The following CTNNA3 variants were observed in gnomAD, a reference collection of about 807,000 sequenced individuals.
CTNNA3 encodes catenin alpha-3.
In CTNNA3, 76 loss-of-function variants were observed where a neutral mutation model predicts 95.7. That is an observed-to-expected ratio of 0.79 (90% CI 0.66 to 0.96). The LOEUF (loss-of-function observed/expected upper bound fraction) is 0.96, where lower values mean the gene tolerates loss of function less well. CTNNA3 is among the 40% of genes least tolerant of loss of function. The pLI is 0.00. For synonymous variants in CTNNA3, 431 were observed against 374.4 expected (o/e 1.15, Z -1.74); for missense variants, 1,191 against 1,089.8 (o/e 1.09, Z -1.31).
chr10:67,425,390 G>A (rs1372929789), intron 5 of CTNNA3, among the ~76,000 whole-genome samples: 1 of 152,004 alleles, frequency 6.6e-6, no homozygotes, highest in Non-Finnish European at 1.5e-5. Flanking sequence ...CACTCTCAAT[G>A]ACAGGAAGGA....
intron 10 of CTNNA3, among the ~76,000 whole-genome samples, chr10:66,604,086 A>G (rs939633081): frequency 6.6e-6 from 1 of 152,246 alleles, no homozygotes; most frequent in Admixed American, 6.5e-5. Context: ...CAATGGGATC[A>G]TATCAAGTTA....
At chr10:66,904,531 C>T (rs573650688) in intron 7 of CTNNA3, among the ~76,000 whole-genome samples, 1 of 152,288 alleles carries the variant, frequency 6.6e-6, no homozygotes, top group East Asian at 1.9e-4. Flanking sequence ...TCAAGTTAAA[C>T]TAATGACCTT....
At chr10:66,953,560 T>C (rs1207253106) in intron 7 of CTNNA3, among the ~76,000 whole-genome samples, 1 of 152,192 alleles carries the variant, frequency 6.6e-6, no homozygotes, top group African/African-American at 2.4e-5. Flanking sequence ...ACACCATAGT[T>C]AGTTATGACT....
intron 7 of CTNNA3, among the ~76,000 whole-genome samples, chr10:67,139,994 G>A (rs1860478738): frequency 6.6e-6 from 1 of 152,152 alleles, no homozygotes. Flanking sequence ...TCTGTCTATA[G>A]AGTGCTTTAA....
chr10:67,668,685 C>T (rs1840373602), intron 1 of CTNNA3, among the ~76,000 whole-genome samples: 1 of 152,002 alleles, frequency 6.6e-6, no homozygotes, highest in African/African-American at 2.4e-5. Context: ...AACACAAGAT[C>T]TCATTGTGCT....
At chr10:67,124,297 TTCTC>T (rs1859602646) in intron 7 of CTNNA3, among the ~76,000 whole-genome samples, 1 of 151,108 alleles carries the variant, frequency 6.6e-6, no homozygotes, top group South Asian at 2.1e-4. Flanking sequence ...CTTCCTCTAG[TTCTC>T]TCTCTCCTCC....
chr10:67,279,975 T>C (rs1354172391), intron 5 of CTNNA3, among the ~76,000 whole-genome samples: 1 of 150,570 alleles, frequency 6.6e-6, no homozygotes, highest in Non-Finnish European at 1.5e-5. Context: ...AAAAATCATA[T>C]CTATTACACA....
At chr10:66,738,653 C>T (rs377744500) in intron 9 of CTNNA3, among the ~76,000 whole-genome samples, 9 of 152,266 alleles carry the variant, frequency 5.9e-5, no homozygotes, top group African/African-American at 9.6e-5. Flanking sequence ...CCCATATACA[C>T]GTTTCATGTA....
chr10:66,543,080 G>A (rs2660005), intron 10 of CTNNA3, among the ~76,000 whole-genome samples: 140,080 of 152,098 alleles, frequency 0.92, 64,703 homozygotes, highest in East Asian at 0.98. Flanking sequence ...CACTAAGTAA[G>A]TTAGAGTGCA....
chr10:67,620,232 C>T (rs1843783164), intron 2 of CTNNA3, among the ~76,000 whole-genome samples: 1 of 152,142 alleles, frequency 6.6e-6, no homozygotes, highest in Non-Finnish European at 1.5e-5. Context: ...CCCCACAAAG[C>T]ATATAAGGAC....
intron 7 of CTNNA3, among the ~76,000 whole-genome samples, chr10:66,813,471 A>T (rs1199763562): frequency 1.3e-5 from 2 of 152,218 alleles, no homozygotes; most frequent in Non-Finnish European, 2.9e-5. Flanking sequence ...TTTAACTCAC[A>T]ATGCTGCTTT....
chr10:66,481,857 G>A (rs904782482), intron 11 of CTNNA3, among the ~76,000 whole-genome samples: 3 of 152,050 alleles, frequency 2.0e-5, no homozygotes, highest in African/African-American at 4.8e-5. Context: ...GTTGGTCCAC[G>A]TTGGTCCATT....
intron 5 of CTNNA3, among the ~76,000 whole-genome samples, chr10:67,364,395 C>A (rs1334507930): frequency 6.6e-6 from 1 of 152,106 alleles, no homozygotes; most frequent in Admixed American, 6.5e-5. Flanking sequence ...GGAAGCATTC[C>A]CTTTGAAAAT....
At chr10:66,672,138 C>G (rs1846683687) in intron 9 of CTNNA3, among the ~76,000 whole-genome samples, 1 of 152,028 alleles carries the variant, frequency 6.6e-6, no homozygotes, top group Non-Finnish European at 1.5e-5. Flanking sequence ...TACAGAACTC[C>G]AGCAATTAGC....
intron 10 of CTNNA3, among the ~76,000 whole-genome samples, chr10:66,555,203 A>AAAAAC (rs778286878): frequency 9.2e-5 from 14 of 152,134 alleles, no homozygotes; most frequent in Admixed American, 3.3e-4. Context: ...GTCCCAGCCA[A>AAAAAC]AAAACAAAAC....
rs564279726 is a variant in CTNNA3 at position 66,316,403 on chromosome 10, G to A, written c.1733-35782C>T. Among the ~76,000 whole-genome samples, 8 of 152,110 alleles carry A rather than the reference G, an allele frequency of 5.3e-5. No homozygotes were observed. The East Asian group carries it at 1.5e-3, about 29-fold the overall frequency. ...CTACTTTATGAACTTTTATTTTACA[G>A]TAATATATATTAATTAACTCATTAA... On this transcript the variant is annotated intron_variant, in intron 12 of 17. Coordinates refer to ENST00000433211, the MANE Select transcript of CTNNA3 (RefSeq NM_013266.4).
intron 11 of CTNNA3, among the ~76,000 whole-genome samples, chr10:66,476,618 ATTTTT>A (rs1839336696): frequency 6.6e-6 from 1 of 151,972 alleles, no homozygotes; most frequent in African/African-American, 2.4e-5. Flanking sequence ...TTTACTTTTT[ATTTTT>A]AATATGTATT....
At position 66,251,125 on chromosome 10, in the gene CTNNA3, G is replaced by A. The variant is rs1300019606; in HGVS notation, c.1884+29345C>T. Reference sequence around the variant, plus strand: ...CCATGCACCAGGAACCTCTTAGAAGGAAACTGAAAATGTCATGCACATAGA... The same window carrying A: ...CCATGCACCAGGAACCTCTTAGAAGAAAACTGAAAATGTCATGCACATAGA... On this transcript the variant is annotated intron_variant, in intron 13 of 17. Coordinates refer to ENST00000433211, the MANE Select transcript of CTNNA3 (RefSeq NM_013266.4). Among the ~76,000 whole-genome samples the A allele has an allele frequency of 5.3e-5, 8 of 152,208 alleles. No individual in the cohort carries two copies. In the South Asian group the frequency reaches 1.0e-3, roughly 20 times the overall value.
chr10:66,265,428 G>A (rs1389898341), intron 13 of CTNNA3, among the ~76,000 whole-genome samples: 8 of 151,906 alleles, frequency 5.3e-5, no homozygotes, highest in Non-Finnish European at 1.0e-4. Context: ...ATTGGATCAT[G>A]CCCCTCCCCT....
Sources: gnomAD v4.1 joint callset for allele counts (sites outside exome capture counted in the v4.1 genomes callset) on GRCh38, gnomAD v4.1.1 for gene constraint, MANE v1.5 for transcripts, NCBI Gene and HGNC (gene_info 2026-07-23, HGNC 2026-07-21) for gene names.